The following PTPRE variants were observed in gnomAD, a reference collection of about 807,000 sequenced individuals.
PTPRE encodes protein tyrosine phosphatase receptor type E, also known as receptor-type tyrosine-protein phosphatase epsilon.
In PTPRE, 51 loss-of-function variants were observed where a neutral mutation model predicts 102.0. The ratio of observed to expected loss-of-function variants is 0.50; its 90% confidence interval spans 0.40 to 0.63. PTPRE has a LOEUF of 0.63. PTPRE is among the 30% of genes least tolerant of loss of function. The pLI, the probability that PTPRE is intolerant of heterozygous loss-of-function variation, is 0.00. For synonymous variants in PTPRE, 345 were observed against 348.2 expected, an observed-to-expected ratio of 0.99 and a Z score of 0.10; for missense variants, 752 against 915.1, an observed-to-expected ratio of 0.82 and a Z score of 2.30.
chr10:127,913,302 T>C (rs1415291492), intron 1 of PTPRE, among the ~76,000 whole-genome samples: 2 of 152,226 alleles, frequency 1.3e-5, no homozygotes, highest in South Asian at 2.1e-4. Context: ...GGCAAGTCAT[T>C]TAATTCCTAT....
chr10:127,912,345 T>C (rs1845920991), intron 1 of PTPRE, among the ~76,000 whole-genome samples: 2 of 152,206 alleles, frequency 1.3e-5, no homozygotes, highest in South Asian at 4.1e-4. Flanking sequence ...CCCAATGAAA[T>C]AGGGGCCAGA....
intron 1 of PTPRE, chr10:127,934,354 T>C (rs1001269311): frequency 6.6e-6 from 1 of 152,170 alleles, no homozygotes; most frequent in African/African-American, 2.4e-5. Flanking sequence ...ATCTATTTGC[T>C]TTGAAGAGAG....
At chr10:128,047,965 C>G (rs1564925506) in intron 5 of PTPRE, 128 bp downstream of exon 5, 1 of 892,024 alleles carries the variant, frequency 1.1e-6, no homozygotes, top group Non-Finnish European at 1.7e-6. Flanking sequence ...TCATCTCACT[C>G]TACCTGGTAT....
At chr10:128,057,538 C>T (rs772029238) in intron 7 of PTPRE, among the ~76,000 whole-genome samples, 21 of 152,128 alleles carry the variant, frequency 1.4e-4, no homozygotes, top group African/African-American at 4.1e-4. Flanking sequence ...ATGGTCTGTC[C>T]GATCTGTGGT....
rs1161635635 is a variant in PTPRE, at chr10:128,008,590, G to A, written c.-8+26294G>A. Among the ~76,000 whole-genome samples the A allele has an allele frequency of 2.0e-5, 3 of 152,102 alleles. No homozygotes were observed. The highest frequency in any genetic ancestry group is 2.1e-4 in the South Asian group (1 of 4,822). On this transcript the variant is annotated intron_variant, in intron 2 of 20. Coordinates refer to ENST00000254667, the MANE Select transcript of PTPRE (RefSeq NM_006504.6). The surrounding 1 kb of genome is among the most constrained non-coding windows in gnomAD (Gnocchi z 4.0). ...CCAGCCTGGGCTAGTGGAGCATCCC[G>A]CCTTTGCTTTTGGTATGGGAAGGAG... is the stretch of plus-strand genomic sequence containing the variant.
rs148630190 is a variant in PTPRE at position 128,029,429 on chromosome 10, G to T, written c.-7-11446G>T. Among the ~76,000 whole-genome samples the T allele has an allele frequency of 4.5e-3, 682 of 152,254 alleles. 5 individuals are homozygous for T. The highest frequency in any genetic ancestry group is 0.014 in the African/African-American group (565 of 41,544). On this transcript the variant is annotated intron_variant, in intron 2 of 20. Coordinates refer to ENST00000254667, the MANE Select transcript of PTPRE (RefSeq NM_006504.6). ...CAGAAGAGTCGCCAGCCCATGGGGC[G>T]TCTGAAGCAGGTGGCACAATTGACC...
intron 11 of PTPRE, 80 bp from the exon 12 acceptor site, chr10:128,068,040 ACGG>A: frequency 6.7e-7 from 1 of 1,487,196 alleles, no homozygotes; most frequent in Non-Finnish European, 9.1e-7. Flanking sequence ...AGGGGAGCCC[ACGG>A]CGGCGTCCTC....
intron 2 of PTPRE, among the ~76,000 whole-genome samples, chr10:128,013,635 T>C (rs1195468191): frequency 6.6e-6 from 1 of 152,144 alleles, no homozygotes. Context: ...GATTAGGTCA[T>C]GAAGGTGGAG....
At chr10:127,984,907 C>T (rs1851954244) in intron 2 of PTPRE, among the ~76,000 whole-genome samples, 1 of 152,206 alleles carries the variant, frequency 6.6e-6, no homozygotes, top group Non-Finnish European at 1.5e-5. Flanking sequence ...AATGGACTAT[C>T]ACAGCTGCCA....
At chr10:127,908,022 C>T (rs759396107) in intron 1 of PTPRE, among the ~76,000 whole-genome samples, 2 of 152,222 alleles carry the variant, frequency 1.3e-5, no homozygotes, top group Non-Finnish European at 2.9e-5. Flanking sequence ...GCCGGGCAAC[C>T]CACAGGATGG....
chr10:128,067,430 A>G (rs1480669463), intron 11 of PTPRE, among the ~76,000 whole-genome samples: 2 of 151,236 alleles, frequency 1.3e-5, no homozygotes, highest in Non-Finnish European at 2.9e-5. Flanking sequence ...ACGTGTACGC[A>G]CCCACATTCA....
intron 5 of PTPRE, 146 bp from the exon 6 acceptor site, chr10:128,049,384 C>T (rs1326548377): frequency 7.9e-6 from 8 of 1,015,576 alleles, no homozygotes; most frequent in Middle Eastern, 2.4e-4. Flanking sequence ...GCTCGGGACC[C>T]GGCTTAGCCC....
intron 2 of PTPRE, among the ~76,000 whole-genome samples, chr10:128,011,743 C>T (rs1042498421): frequency 3.9e-5 from 6 of 152,252 alleles, no homozygotes; most frequent in Admixed American, 1.3e-4. Flanking sequence ...GGGGCTCCCC[C>T]CTCCACCCCA....
In PTPRE at chr10:128,047,495, A is replaced by G. The variant is rs756623287; in HGVS notation, c.209+6A>G. ...CTCGCCGCCTACTTCTTCAGGTAGGAGTGTCCCGGGGCACTGACTTGCCCC... is the reference window on the plus strand; with the variant it reads ...CTCGCCGCCTACTTCTTCAGGTAGGGGTGTCCCGGGGCACTGACTTGCCCC... On this transcript the variant is annotated splice_donor_region_variant and intron_variant, in intron 4 of 20. Transcript: ENST00000254667. The G allele has an allele frequency of 1.2e-6, 2 of 1,613,204 alleles. No individual in the cohort carries two copies. The highest frequency in any genetic ancestry group is 3.3e-5 in the Admixed American group (2 of 60,006).
chr10:127,960,863 CA>C (rs553923316), intron 1 of PTPRE, among the ~76,000 whole-genome samples: 1 of 151,360 alleles, frequency 6.6e-6, no homozygotes, highest in East Asian at 1.9e-4. Context: ...ACTAAAAATA[CA>C]AAAAAAATTA....
At position 128,073,965 on chromosome 10, in the gene PTPRE, AG is replaced by A. The variant is rs141433371; in HGVS notation, c.1599+497del. Reference sequence around the variant, plus strand: ...TAATTCATGCAATTCATCTTTTTAAAGGGTACAATTCAGTGAATTGGAGTAT... The same window carrying A: ...TAATTCATGCAATTCATCTTTTTAAAGGTACAATTCAGTGAATTGGAGTAT... On this transcript the variant is annotated intron_variant, in intron 17 of 20. Transcript: ENST00000254667. Among the ~76,000 whole-genome samples, 762 of 152,364 alleles carry A rather than the reference AG, an allele frequency of 5.0e-3. 9 individuals are homozygous for A. The highest frequency in any genetic ancestry group is 0.017 in the African/African-American group (711 of 41,580).
At chr10:127,960,958 T>C (rs1466918564) in intron 1 of PTPRE, among the ~76,000 whole-genome samples, 1 of 151,270 alleles carries the variant, frequency 6.6e-6, no homozygotes, top group East Asian at 1.9e-4. Context: ...GAGGCAGAGC[T>C]TGCAATGAGC....
At chr10:127,965,118 G>T in intron 1 of PTPRE, 1 of 380,684 alleles carries the variant, frequency 2.6e-6, no homozygotes, top group South Asian at 2.0e-5. Context: ...ATTATTACAA[G>T]TTGGCTTTTT....
At chr10:127,929,833 G>T (rs535271632) in intron 1 of PTPRE, among the ~76,000 whole-genome samples, 1 of 152,226 alleles carries the variant, frequency 6.6e-6, no homozygotes, top group East Asian at 1.9e-4. Flanking sequence ...GAGGCAGGCA[G>T]ATCACTTGAG....
Sources: gnomAD v4.1 joint callset for allele counts (sites outside exome capture counted in the v4.1 genomes callset) on GRCh38, gnomAD v4.1.1 for gene constraint, Gnocchi (gnomAD v3.1) non-coding constraint, MANE v1.5 for transcripts, NCBI Gene and HGNC (gene_info 2026-07-23, HGNC 2026-07-21) for gene names.